CD22: variants seen among roughly 807,000 people sequenced by gnomAD.
CD22 encodes B-cell receptor CD22.
A neutral mutation model predicts 94.7 loss-of-function variants in CD22; 51 were observed. The ratio of observed to expected loss-of-function variants is 0.54; its 90% CI spans 0.43 to 0.68. The LOEUF (loss-of-function observed/expected upper bound fraction) is 0.68. CD22 is among the 30% of genes least tolerant of loss of function. CD22 has a pLI of 0.00. For synonymous variants in CD22, 424 were observed against 422.5 expected (o/e 1.00, Z -0.04); for missense variants, 931 against 1,060.4 (o/e 0.88, Z 1.69).
At chr19:35,331,892 C>T in intron 1 of CD22, 127 bp from the exon 2 acceptor site, 4 of 1,552,978 alleles carry the variant, frequency 2.6e-6, no homozygotes, top group Non-Finnish European at 3.5e-6. Context: ...GCCACATCCC[C>T]ATAATGCAAC....
In CD22 at chr19:35,337,002, G is replaced by C. The variant is rs2066734569; in HGVS notation, c.718+661G>C. ...CGCCTGTAATCCTAGCACTTTGGAA[G>C]GCCGAGGCGGGGGGATCACAAGGTC... On this transcript the variant is annotated intron_variant, in intron 4 of 13. Transcript: ENST00000085219. The surrounding 1 kb of genome is among the most constrained non-coding windows in gnomAD (Gnocchi z 4.4). Among the ~76,000 whole-genome samples, 1 of 152,190 alleles carries C rather than the reference G, an allele frequency of 6.6e-6. No homozygotes were observed. The highest frequency in any genetic ancestry group is 2.4e-5 in the African/African-American group (1 of 41,452).
Position 35,346,145 on chromosome 19 carries a change from T to TCTCAGAGATGCAGAGTC in CD22, c.2338_2354dup. On this transcript the variant is annotated splice_region_variant and splice_polypyrimidine_tract_variant and intron_variant, in intron 12 of 13. Transcript: ENST00000085219. Reference sequence around the variant, plus strand: ...TGCGTGGTCGTCTATCTGCCCTGTCTCTCAGAGATGCAGAGTCCTCAGAGA... The same window carrying TCTCAGAGATGCAGAGTC: ...TGCGTGGTCGTCTATCTGCCCTGTCTCTCAGAGATGCAGAGTCCTCAGAGATGCAGAGTCCTCAGAGA... 2 of 1,610,678 alleles carry TCTCAGAGATGCAGAGTC rather than the reference T, an allele frequency of 1.2e-6. No homozygotes were observed.
intron 3 of CD22, among the ~76,000 whole-genome samples, chr19:35,334,001 G>A (rs68021784): frequency 0.041 from 6,303 of 152,254 alleles, 186 homozygotes; most frequent in East Asian, 0.13. Flanking sequence ...CTCCCGATGC[G>A]TAGTCAGCCA....
At chr19:35,329,363 A>G (rs748379480) in intron 1 of CD22, 133 bp downstream of exon 1, 2 of 502,914 alleles carry the variant, frequency 4.0e-6, no homozygotes, top group South Asian at 1.6e-5. Context: ...CGGTGTTACA[A>G]CAGGTTGTAG....
chr19:35,344,714 G>A, intron 9 of CD22, 115 bp from the exon 10 acceptor site: 2 of 749,072 alleles, frequency 2.7e-6, no homozygotes, highest in South Asian at 3.4e-5. Flanking sequence ...CTGCACGCAT[G>A]CAGGGGAGAA....
intron 9 of CD22, among the ~76,000 whole-genome samples, chr19:35,343,099 ATT>A (rs762734941): frequency 5.3e-4 from 71 of 132,800 alleles, no homozygotes; most frequent in Admixed American, 6.9e-4. Flanking sequence ...CACCCGGCTG[ATT>A]TTTTTTTTTT....
rs762403629 is a variant in CD22, at chr19:35,345,066, G to C, written c.2148G>C (p.Gln716His). 6.2e-7 allele frequency: 1 copy of C among 1,614,004 alleles called. No homozygotes were observed. The highest frequency in any genetic ancestry group is 8.5e-7 in the Non-Finnish European group (1 of 1,180,000). Residue 716 changes from glutamine (Q) to histidine (H), a missense_variant, in exon 11 of 14, where the codon CAG (glutamine) becomes CAC (histidine). Gln to His is a conservative substitution (Grantham distance 24). Coordinates refer to ENST00000085219, the MANE Select transcript of CD22 (RefSeq NM_001771.4). ...TATTTCTCAGTTGGAAGAGGACACAGAGCCAGCAGGGGCTTCAGGAGAATT... is the reference window on the plus strand; with the variant it reads ...TATTTCTCAGTTGGAAGAGGACACACAGCCAGCAGGGGCTTCAGGAGAATT... ...LKLQRRWKRT[Q>H]SQQGLQENSS...
chr19:35,338,046 G>A, intron 5 of CD22, 25 bp downstream of exon 5: 2 of 1,592,070 alleles, frequency 1.3e-6, no homozygotes, highest in Non-Finnish European at 1.7e-6. Flanking sequence ...GCTGGGGACA[G>A]GCCAGGCAGG....
At chr19:35,335,871 A>G (rs2066715773) in intron 3 of CD22, among the ~76,000 whole-genome samples, 165 bp from the exon 4 acceptor site, 1 of 151,958 alleles carries the variant, frequency 6.6e-6, no homozygotes, top group Non-Finnish European at 1.5e-5. Flanking sequence ...ACAACAACAC[A>G]ACAACAACAA....
At chr19:35,338,852 A>G (rs2066764514) in intron 6 of CD22, among the ~76,000 whole-genome samples, 1 of 151,666 alleles carries the variant, frequency 6.6e-6, no homozygotes, top group Non-Finnish European at 1.5e-5. Context: ...GATGGTCTCG[A>G]TCTCCTGACC....
At chr19:35,338,608 C>T (rs2145663250) in intron 6 of CD22, among the ~76,000 whole-genome samples, 177 bp downstream of exon 6, 1 of 151,996 alleles carries the variant, frequency 6.6e-6, no homozygotes, top group Middle Eastern at 3.4e-3. Context: ...ATGGAGGGTG[C>T]TTGGTAGATG....
Position 35,331,848 on chromosome 19 carries a change from A to G in CD22, c.-22-171A>G, listed in dbSNP as rs1326751372. 4.3e-6 allele frequency: 6 copies of G among 1,382,148 alleles called. No homozygotes were observed. In the African/African-American group the frequency reaches 8.8e-5, roughly 20 times the overall value. 85.6% of individuals were successfully genotyped at this position (1,382,148 alleles called of 1,614,324 possible). A position where few individuals can be genotyped will look rare whatever the true frequency, so the allele number is the denominator to read the frequency against. On this transcript the variant is annotated intron_variant, in intron 1 of 13. Coordinates refer to ENST00000085219, the MANE Select transcript of CD22 (RefSeq NM_001771.4). Reference sequence around the variant, plus strand: ...GGAGACAGAGCAAGACTCTGTCTCAAAAAAAAAGAAAGAACTCCGTGAGCA... The same window carrying G: ...GGAGACAGAGCAAGACTCTGTCTCAGAAAAAAAGAAAGAACTCCGTGAGCA...
In CD22 at chr19:35,337,861, G is replaced by A. The variant is rs759945428; in HGVS notation, c.825G>A (p.Thr275=). The A allele has an allele frequency of 1.3e-5, 21 of 1,614,066 alleles. No individual in the cohort carries two copies. Among genetic ancestry groups the A allele is most frequent in the African/African-American group, 5.3e-5 (4 of 74,938 alleles). ...TCAGCAGCAGCAACCCGGAGTACACGACGGTATCCTGGCTCAAGGATGGGA... is the reference window on the plus strand; with the variant it reads ...TCAGCAGCAGCAACCCGGAGTACACAACGGTATCCTGGCTCAAGGATGGGA... ...CEVSSSNPEY[T]TVSWLKDGTS... The change falls in exon 5 of 14, where the codon ACG becomes ACA. Residue 275 remains threonine (T), a synonymous_variant. Transcript: ENST00000085219. This position sits in a 1 kb window ranked among gnomAD's most constrained non-coding sequence, Gnocchi z 4.4.
chr19:35,346,765 A>T lies in CD22; in HGVS notation c.*68A>T. On this transcript the variant is annotated 3_prime_UTR_variant, in exon 14 of 14. Transcript: ENST00000085219. Reference sequence around the variant, plus strand: ...CAGGGAAGTCCCCGAGTTTCCCCAGACACCGCCACATGGCTTCCTCCTGCG... The same window carrying T: ...CAGGGAAGTCCCCGAGTTTCCCCAGTCACCGCCACATGGCTTCCTCCTGCG... 6.8e-7 allele frequency: 1 copy of T among 1,464,802 alleles called. No individual in the cohort carries two copies. Among genetic ancestry groups the T allele is most frequent in the Non-Finnish European group, 9.2e-7 (1 of 1,084,720 alleles). 90.7% of individuals were successfully genotyped at this position (1,464,802 alleles called of 1,614,324 possible). A position where few individuals can be genotyped will look rare whatever the true frequency, so the allele number is the denominator to read the frequency against.
rs17719289 is a variant in CD22 at position 35,341,920 on chromosome 19, A to G, written c.1990A>G (p.Ser664Gly). The change falls in exon 9 of 14, where the codon AGT (serine) becomes GGT (glycine). Residue 664 changes from serine (S) to glycine (G), a missense_variant. By Grantham distance (56) the Ser-to-Gly change is moderately conservative (BLOSUM62 0). Transcript: ENST00000085219. This position sits in a 1 kb window ranked among gnomAD's most constrained non-coding sequence, Gnocchi z 4.0. The part of the protein sequence containing the change: ...SGAYWCQGTN[S>G]VGKGRSPLST... Reference sequence around the variant, plus strand: ...TGCCTACTGGTGCCAGGGGACCAACAGTGTGGGCAAGGGCCGTTCGCCTCT... The same window carrying G: ...TGCCTACTGGTGCCAGGGGACCAACGGTGTGGGCAAGGGCCGTTCGCCTCT... The G allele has an allele frequency of 1.6e-3, 2,529 of 1,613,368 alleles. 66 individuals are homozygous for G. The East Asian group carries it at 0.045, about 29-fold the overall frequency.
At position 35,336,674 on chromosome 19, in the gene CD22, C is replaced by G; in HGVS notation, c.718+333C>G. 1.0e-5 allele frequency: 3 copies of G among 296,304 alleles called. No individual in the cohort carries two copies. In the South Asian group the frequency reaches 1.4e-4, roughly 13 times the overall value. The allele number at this position is 296,304 out of a possible 1,614,324, so 18.4% of individuals were successfully genotyped here. Reference sequence around the variant, plus strand: ...TATCATGAACCTACTAGGTACCAGGCCTTATTACGGCTGCCAATGGGGGGC... The same window carrying G: ...TATCATGAACCTACTAGGTACCAGGGCTTATTACGGCTGCCAATGGGGGGC... On this transcript the variant is annotated intron_variant, in intron 4 of 13. Coordinates refer to ENST00000085219, the MANE Select transcript of CD22 (RefSeq NM_001771.4).
rs200519612 is a variant in CD22, at chr19:35,332,822, C to G, written c.310C>G (p.Leu104Val). 1 of 1,614,180 alleles carries G rather than the reference C, an allele frequency of 6.2e-7. No individual in the cohort carries two copies. Among genetic ancestry groups the G allele is most frequent in the East Asian group, 2.2e-5 (1 of 44,886 alleles). Residue 104 changes from leucine to valine, a missense_variant, in exon 3 of 14, where the codon CTG becomes GTG. Coordinates refer to ENST00000085219, the MANE Select transcript of CD22 (RefSeq NM_001771.4). ...FLGDKNKNCT[L>V]SIHPVHLNDS... ...GGGAGACAAGAATAAGAACTGCACA[C>G]TGAGTATCCACCCGGTGCACCTCAA...
chr19:35,336,192 C>T lies in CD22; in HGVS notation c.569C>T (p.Ser190Leu), dbSNP rs774407987. Residue 190 changes from serine (S) to leucine (L), a missense_variant, in exon 4 of 14, where the codon TCG becomes TTG. Physicochemically the swap from Ser to Leu is moderately radical, Grantham distance 145. Coordinates refer to ENST00000085219, the MANE Select transcript of CD22 (RefSeq NM_001771.4). Reference sequence around the variant, plus strand: ...CCAATGAGGCAGGCTGCTGTCACCTCGACCTCCTTGACCATCAAGTCTGTC... The same window carrying T: ...CCAATGAGGCAGGCTGCTGTCACCTTGACCTCCTTGACCATCAAGTCTGTC... ...GVPMRQAAVT[S>L]TSLTIKSVFT... 5.5e-5 allele frequency: 88 copies of T among 1,614,070 alleles called. 1 individual carries two copies. In the South Asian group the frequency reaches 6.7e-4, roughly 12 times the overall value.
At chr19:35,343,902 G>A (rs536955029) in intron 9 of CD22, among the ~76,000 whole-genome samples, 41 of 152,220 alleles carry the variant, frequency 2.7e-4, no homozygotes, top group Non-Finnish European at 5.3e-4. Flanking sequence ...AGTGGCTCAC[G>A]CCTGTAATCC....
Sources: allele counts gnomAD v4.1 joint callset (sites outside exome capture counted in the v4.1 genomes callset), GRCh38; gene constraint gnomAD v4.1.1; non-coding constraint Gnocchi (gnomAD v3.1); transcripts MANE v1.5; gene names NCBI Gene and HGNC (gene_info 2026-07-23, HGNC 2026-07-21).